SHANK2: variants seen among roughly 807,000 people sequenced by gnomAD.
SHANK2 encodes SH3 and multiple ankyrin repeat domains 2, also known as SH3 and multiple ankyrin repeat domains protein 2.
A neutral mutation model predicts 133.7 loss-of-function variants in SHANK2; 43 were observed. The ratio of observed to expected loss-of-function variants is 0.32; its 90% CI spans 0.25 to 0.41. The LOEUF (loss-of-function observed/expected upper bound fraction) is 0.41, where lower values mean the gene tolerates loss of function less well. Among genes scored for constraint, SHANK2 ranks in the 10% least tolerant of loss-of-function variants. SHANK2 has a pLI of 1.00. For synonymous variants in SHANK2, 1,017 were observed against 952.8 expected (o/e 1.07, Z -1.24); for missense variants, 1,994 against 2,235.8 (o/e 0.89, Z 2.18).
chr11:70,522,115 C>A (rs1474636599), intron 17 of SHANK2, among the ~76,000 whole-genome samples: 2 of 152,240 alleles, frequency 1.3e-5, no homozygotes, highest in African/African-American at 4.8e-5. Context: ...TCTTGCAGTT[C>A]CGCCACGTGA....
chr11:70,859,932 T>G (rs1298614869), intron 11 of SHANK2, among the ~76,000 whole-genome samples: 1 of 152,160 alleles, frequency 6.6e-6, no homozygotes, highest in Non-Finnish European at 1.5e-5. Context: ...ACAGTTGGGA[T>G]TGATCAATGG....
intron 11 of SHANK2, among the ~76,000 whole-genome samples, chr11:70,858,297 G>C (rs545222240): frequency 6.6e-6 from 1 of 152,340 alleles, no homozygotes; most frequent in African/African-American, 2.4e-5. Flanking sequence ...ATTGCGCTGT[G>C]CGGCCAGGTT....
intron 17 of SHANK2, among the ~76,000 whole-genome samples, chr11:70,548,069 T>C (rs2136066321): frequency 6.6e-6 from 1 of 152,346 alleles, no homozygotes; most frequent in South Asian, 2.1e-4. Context: ...CGCTGACATA[T>C]GTGGCTTGTA....
intron 2 of SHANK2, among the ~76,000 whole-genome samples, chr11:71,204,442 G>A (rs533713396): frequency 2.0e-5 from 3 of 152,262 alleles, no homozygotes; most frequent in Non-Finnish European, 4.4e-5. Context: ...GTGCCAGGAA[G>A]GGACCCCATG....
intron 10 of SHANK2, among the ~76,000 whole-genome samples, chr11:70,948,079 G>C (rs1181518509): frequency 6.6e-6 from 1 of 151,980 alleles, no homozygotes; most frequent in African/African-American, 2.4e-5. Flanking sequence ...CACTCTTTGA[G>C]ATGCCTTTCC....
At position 70,470,139 on chromosome 11, in the gene SHANK2, G is replaced by C. The variant is rs1565513895; in HGVS notation, c.*2730C>G. On this transcript the variant is annotated 3_prime_UTR_variant, in exon 26 of 26. Coordinates refer to ENST00000601538, the MANE Select transcript of SHANK2 (RefSeq NM_012309.5). Reference sequence around the variant, plus strand: ...GAGAACAGTGGGTGGTGATTTGAATGAGGAACTATTGCTTTCAGTACCAAA... The same window carrying C: ...GAGAACAGTGGGTGGTGATTTGAATCAGGAACTATTGCTTTCAGTACCAAA... 6.6e-6 allele frequency: 1 copy of C among 152,648 alleles called. No individual in the cohort carries two copies. The allele number at this position is 152,648 out of a possible 1,614,324, so 9.5% of individuals were successfully genotyped here.
intron 11 of SHANK2, 55 bp downstream of exon 11, chr11:70,896,446 C>G: frequency 1.5e-6 from 1 of 680,600 alleles, no homozygotes. Context: ...GTGACTGATT[C>G]CTCAGAGCAT....
chr11:71,197,010 A>AAC (rs1565508464), intron 2 of SHANK2, among the ~76,000 whole-genome samples: 1 of 150,324 alleles, frequency 6.7e-6, no homozygotes, highest in African/African-American at 2.5e-5. Flanking sequence ...AAAAAAAAAA[A>AAC]AAAAAAAAAC....
intron 3 of SHANK2, among the ~76,000 whole-genome samples, chr11:71,145,436 C>T (rs1181639521): frequency 5.9e-5 from 9 of 152,334 alleles, no homozygotes; most frequent in Admixed American, 4.6e-4. Context: ...TTGTCCTAGA[C>T]GGTGAAGCCA....
intron 15 of SHANK2, chr11:70,668,905 T>A (rs1393574567): frequency 6.6e-6 from 1 of 152,290 alleles, no homozygotes; most frequent in Non-Finnish European, 1.5e-5. Context: ...CAGGGCAGTC[T>A]AGGGACACAG....
intron 3 of SHANK2, 103 bp downstream of exon 3, chr11:71,147,017 A>T: frequency 1.0e-6 from 1 of 954,350 alleles, no homozygotes; most frequent in Non-Finnish European, 1.5e-6. Flanking sequence ...TGCCCAGAGC[A>T]GTCAGGACCG....
chr11:71,192,971 A>G (rs151050552), intron 2 of SHANK2, among the ~76,000 whole-genome samples: 247 of 152,330 alleles, frequency 1.6e-3, no homozygotes, highest in African/African-American at 5.7e-3. Flanking sequence ...AATTCAAACA[A>G]GAGTTGGTAC....
At chr11:71,168,933 C>A (rs550850069) in intron 2 of SHANK2, among the ~76,000 whole-genome samples, 14 of 152,262 alleles carry the variant, frequency 9.2e-5, no homozygotes, top group African/African-American at 2.9e-4. Context: ...GAATAAGATG[C>A]ATAAAGAGTT....
chr11:70,504,783 A>G (rs2059113423), intron 17 of SHANK2, among the ~76,000 whole-genome samples: 1 of 151,590 alleles, frequency 6.6e-6, no homozygotes, highest in Non-Finnish European at 1.5e-5. Context: ...ATCGAGGAAG[A>G]CAGCACCGGG....
chr11:70,601,658 G>T (rs1413725059), intron 17 of SHANK2, among the ~76,000 whole-genome samples: 2 of 152,176 alleles, frequency 1.3e-5, no homozygotes, highest in Non-Finnish European at 2.9e-5. Context: ...GGCCAGTAAA[G>T]AGAATATATA....
intron 2 of SHANK2, among the ~76,000 whole-genome samples, chr11:71,185,864 G>T (rs1555114402): frequency 6.6e-6 from 1 of 152,030 alleles, no homozygotes; most frequent in Non-Finnish European, 1.5e-5. Context: ...ACACCAATTT[G>T]GGGGGTGGGT....
At chr11:71,206,526 G>A (rs1226263332) in intron 2 of SHANK2, among the ~76,000 whole-genome samples, 5 of 152,166 alleles carry the variant, frequency 3.3e-5, no homozygotes, top group African/African-American at 1.2e-4. Flanking sequence ...CAGAGAGATC[G>A]CACTATTCTC....
At chr11:71,173,211 G>A (rs1953354487) in intron 2 of SHANK2, among the ~76,000 whole-genome samples, 1 of 152,222 alleles carries the variant, frequency 6.6e-6, no homozygotes, top group African/African-American at 2.4e-5. Context: ...AACCATAAAA[G>A]GAAAATCTGT....
At chr11:70,664,935 G>C (rs1555014470) in intron 15 of SHANK2, among the ~76,000 whole-genome samples, 6 of 152,170 alleles carry the variant, frequency 3.9e-5, no homozygotes, top group Non-Finnish European at 8.8e-5. Flanking sequence ...GATGGGTCCT[G>C]AGCTGGAGGC....
Sources: gnomAD v4.1 joint callset for allele counts (sites outside exome capture counted in the v4.1 genomes callset) on GRCh38, gnomAD v4.1.1 for gene constraint, MANE v1.5 for transcripts, NCBI Gene and HGNC (gene_info 2026-07-23, HGNC 2026-07-21) for gene names.